Variants in SRGAP1 observed in about 807,000 individuals in gnomAD.
The protein encoded by SRGAP1 is SLIT-ROBO Rho GTPase activating protein 1.
A neutral mutation model predicts 121.9 loss-of-function variants in SRGAP1; 43 were observed. That is an observed-to-expected ratio of 0.35 (90% CI 0.28 to 0.46). SRGAP1 has a LOEUF of 0.46. Ranked by LOEUF, SRGAP1 falls within the 20% of genes least tolerant of loss-of-function variation. The pLI, the probability that SRGAP1 is intolerant of heterozygous loss-of-function variation, is 1.00. For synonymous variants in SRGAP1, 447 were observed against 485.4 expected, an observed-to-expected ratio of 0.92 and a Z score of 1.04; for missense variants, 1,102 against 1,350.9, an observed-to-expected ratio of 0.82 and a Z score of 2.89.
intron 1 of SRGAP1, among the ~76,000 whole-genome samples, chr12:63,930,045 T>G (rs147657778): frequency 0.014 from 2,082 of 152,176 alleles, 47 homozygotes; most frequent in African/African-American, 0.047. Context: ...CAGGAAACAA[T>G]AGATGCTGGT....
At chr12:63,984,897 T>C (rs1457910644) in intron 2 of SRGAP1, among the ~76,000 whole-genome samples, 2 of 151,806 alleles carry the variant, frequency 1.3e-5, no homozygotes, top group Non-Finnish European at 2.9e-5. Flanking sequence ...GCACCTGTAA[T>C]GCCAGCCACT....
At position 64,145,371 on chromosome 12, in the gene SRGAP1, G is replaced by A. The variant is rs1049510485; in HGVS notation, c.*2699G>A. 1.3e-5 allele frequency: 2 copies of A among 152,100 alleles called. No homozygotes were observed. Among genetic ancestry groups the A allele is most frequent in the African/African-American group, 4.8e-5 (2 of 41,354 alleles). The allele number at this position is 152,100 out of a possible 1,614,324, so 9.4% of individuals were successfully genotyped here. A position where few individuals can be genotyped will look rare whatever the true frequency, so the allele number is the denominator to read the frequency against. On this transcript the variant is annotated 3_prime_UTR_variant, in exon 22 of 22. Coordinates refer to ENST00000355086, the MANE Select transcript of SRGAP1 (RefSeq NM_020762.4). ...TCCTCTCTCTGATGTGTCCACCTACGGTGGAACGAGGATTGCCTTTCTGTG... is the reference window on the plus strand; with the variant it reads ...TCCTCTCTCTGATGTGTCCACCTACAGTGGAACGAGGATTGCCTTTCTGTG...
intron 8 of SRGAP1, among the ~76,000 whole-genome samples, chr12:64,071,082 A>G (rs1267276470): frequency 6.6e-6 from 1 of 152,224 alleles, no homozygotes; most frequent in East Asian, 1.9e-4. Context: ...CCTAAGTAAA[A>G]GATAACTGCC....
rs186759823 is a variant in SRGAP1, at chr12:64,108,854, G to A, written c.1814-78G>A. On this transcript the variant is annotated intron_variant, in intron 15 of 21. Transcript: ENST00000355086. ...TGTTGCTTATATTCAGATGTGTACCGGTAATACATGTACTGCAGTGTTCTG... is the reference window on the plus strand; with the variant it reads ...TGTTGCTTATATTCAGATGTGTACCAGTAATACATGTACTGCAGTGTTCTG... 146 of 929,026 alleles carry A rather than the reference G, an allele frequency of 1.6e-4. No homozygotes were observed. In the East Asian group the frequency reaches 2.6e-3, roughly 17 times the overall value. 57.5% of individuals were successfully genotyped at this position (929,026 alleles called of 1,614,324 possible).
intron 1 of SRGAP1, among the ~76,000 whole-genome samples, chr12:63,932,520 A>G (rs531618067): frequency 6.6e-5 from 10 of 152,340 alleles, no homozygotes; most frequent in African/African-American, 2.4e-4. Context: ...TGACCGTCAT[A>G]TAGAGAAATC....
At chr12:64,037,922 A>G (rs2034933545) in intron 4 of SRGAP1, among the ~76,000 whole-genome samples, 1 of 152,178 alleles carries the variant, frequency 6.6e-6, no homozygotes, top group African/African-American at 2.4e-5. Context: ...CTTTTCCTCT[A>G]TTCCTACATA....
At chr12:63,902,219 A>G (rs1249527652) in intron 1 of SRGAP1, among the ~76,000 whole-genome samples, 3 of 152,210 alleles carry the variant, frequency 2.0e-5, no homozygotes, top group African/African-American at 4.8e-5. Flanking sequence ...AACCTTCCCC[A>G]TTCCAATGAA....
At chr12:63,883,113 G>GCTCAGGC (rs1428749781) in intron 1 of SRGAP1, among the ~76,000 whole-genome samples, 2 of 152,170 alleles carry the variant, frequency 1.3e-5, no homozygotes, top group Non-Finnish European at 2.9e-5. Flanking sequence ...TCCCATTTAG[G>GCTCAGGC]CTCAGGCCCA....
chr12:63,850,082 A>G (rs945906736), intron 1 of SRGAP1, among the ~76,000 whole-genome samples: 4 of 152,176 alleles, frequency 2.6e-5, no homozygotes, highest in Non-Finnish European at 5.9e-5. Flanking sequence ...CAGCAGCTTC[A>G]CAGGGTGGCC....
intron 1 of SRGAP1, among the ~76,000 whole-genome samples, chr12:63,931,921 A>G (rs1243745963): frequency 1.3e-5 from 2 of 152,188 alleles, no homozygotes; most frequent in East Asian, 3.9e-4. Context: ...GAGTGCACAT[A>G]GAACGATGTA....
In SRGAP1 at chr12:64,091,333, G is replaced by A. The variant is rs2036047504; in HGVS notation, c.1494G>A (p.Gln498=). 1.2e-6 allele frequency: 2 copies of A among 1,611,710 alleles called. No homozygotes were observed. Among genetic ancestry groups the A allele is most frequent in the Non-Finnish European group, 1.7e-6 (2 of 1,178,582 alleles). The part of the protein sequence containing the change: ...QKHRKSRPRS[Q]YNTKLFNGDL... ...ACAGGAAGTCCAGGCCCCGCTCACAGTATAATACTAAGTTGTTTAATGGGG... is the reference window on the plus strand; with the variant it reads ...ACAGGAAGTCCAGGCCCCGCTCACAATATAATACTAAGTTGTTTAATGGGG... Residue 498 remains glutamine, a synonymous_variant, in exon 12 of 22, where the codon CAG becomes CAA. Coordinates refer to ENST00000355086, the MANE Select transcript of SRGAP1 (RefSeq NM_020762.4).
At chr12:63,952,368 TAG>T (rs982409810) in intron 1 of SRGAP1, among the ~76,000 whole-genome samples, 6 of 152,226 alleles carry the variant, frequency 3.9e-5, no homozygotes, top group African/African-American at 1.4e-4. Context: ...TTTTTTTAAT[TAG>T]CCAGATATGG....
intron 1 of SRGAP1, among the ~76,000 whole-genome samples, chr12:63,867,472 T>G (rs1899675716): frequency 6.6e-6 from 1 of 152,230 alleles, no homozygotes; most frequent in Non-Finnish European, 1.5e-5. Flanking sequence ...TGATTGAACT[T>G]CATTTAAAGA....
chr12:64,146,216 ACAT>A lies in SRGAP1; in HGVS notation c.*3545_*3547del, dbSNP rs2037049066. On this transcript the variant is annotated 3_prime_UTR_variant, in exon 22 of 22. Transcript: ENST00000355086. ...CAACAGCTTTGCACATCTTCGTACA[ACAT>A]AATCTGGCTTTGGTGCCCCTTGAGC... The A allele has an allele frequency of 6.6e-6, 1 of 152,186 alleles. No individual in the cohort carries two copies. Among genetic ancestry groups the A allele is most frequent in the South Asian group, 2.1e-4 (1 of 4,822 alleles). The allele number at this position is 152,186 out of a possible 1,614,324, so 9.4% of individuals were successfully genotyped here.
intron 1 of SRGAP1, among the ~76,000 whole-genome samples, chr12:63,879,938 G>T (rs1252191046): frequency 6.6e-6 from 1 of 152,146 alleles, no homozygotes; most frequent in African/African-American, 2.4e-5. Context: ...TCCATAATGG[G>T]TTGATATGGT....
chr12:64,098,519 A>G (rs190766740), intron 15 of SRGAP1, among the ~76,000 whole-genome samples: 106 of 152,148 alleles, frequency 7.0e-4, no homozygotes, highest in Non-Finnish European at 8.1e-4. Context: ...AAAAATAAAA[A>G]ATTAGCCAGG....
chr12:63,913,549 C>CAT lies in SRGAP1; in HGVS notation c.67+68669_67+68670dup, dbSNP rs1232817510. 6.8e-5 allele frequency among the ~76,000 whole-genome samples: 10 copies of CAT among 148,014 alleles called. No homozygotes were observed. In the East Asian group the frequency reaches 1.6e-3, roughly 23 times the overall value. ...TATGTGTGTATTATATATATACACA[C>CAT]ATATGTATATAAAGACACAGTTCAA... On this transcript the variant is annotated intron_variant, in intron 1 of 21. Transcript: ENST00000355086.
At chr12:64,136,165 C>A (rs1318329209) in intron 21 of SRGAP1, among the ~76,000 whole-genome samples, 1 of 152,134 alleles carries the variant, frequency 6.6e-6, no homozygotes, top group East Asian at 1.9e-4. Flanking sequence ...ACAGATACAC[C>A]CAGGATTAAT....
At chr12:63,972,452 A>G (rs769126881) in intron 1 of SRGAP1, among the ~76,000 whole-genome samples, 8 of 152,212 alleles carry the variant, frequency 5.3e-5, no homozygotes, top group Admixed American at 2.0e-4. Flanking sequence ...AATAAAAAAG[A>G]AGTCATAATG....
Sources: allele counts gnomAD v4.1 joint callset (sites outside exome capture counted in the v4.1 genomes callset), GRCh38; gene constraint gnomAD v4.1.1; transcripts MANE v1.5; gene names NCBI Gene and HGNC (gene_info 2026-07-23, HGNC 2026-07-21).